Variants in ZCCHC14 observed in about 807,000 individuals in gnomAD.
The protein encoded by ZCCHC14 is zinc finger CCHC-type containing 14, also known as zinc finger CCHC domain-containing protein 14.
A neutral mutation model predicts 85.0 loss-of-function variants in ZCCHC14; 16 were observed. That is an observed-to-expected ratio of 0.19 (90% confidence interval 0.13 to 0.29). The LOEUF (loss-of-function observed/expected upper bound fraction) is 0.29, where lower values mean the gene tolerates loss of function less well. Among genes scored for constraint, ZCCHC14 ranks in the 10% least tolerant of loss-of-function variants. The pLI is 1.00. For synonymous variants in ZCCHC14, 775 were observed against 630.7 expected (o/e 1.23, Z -3.43); for missense variants, 1,303 against 1,443.5 (o/e 0.90, Z 1.58).
intron 3 of ZCCHC14, among the ~76,000 whole-genome samples, chr16:87,424,729 T>C (rs887690870): frequency 2.6e-5 from 4 of 152,052 alleles, no homozygotes; most frequent in Non-Finnish European, 2.9e-5. Context: ...AGTTTCTGCA[T>C]GGAGAAGAGC....
At chr16:87,455,010 C>T (rs959044024) in intron 2 of ZCCHC14, among the ~76,000 whole-genome samples, 4 of 152,218 alleles carry the variant, frequency 2.6e-5, no homozygotes, top group African/African-American at 4.8e-5. Context: ...TCCTGGAGGC[C>T]GAGCGCCGTG....
At chr16:87,419,736 G>GTTT (rs372390408) in intron 6 of ZCCHC14, 47 bp downstream of exon 6, 80 of 1,118,832 alleles carry the variant, frequency 7.2e-5, no homozygotes, top group Middle Eastern at 2.7e-4. Flanking sequence ...GCGCCCAGCT[G>GTTT]TTTTTTTTTT....
chr16:87,451,000 G>A lies in ZCCHC14; in HGVS notation c.694+9008C>T, dbSNP rs529181843. On this transcript the variant is annotated intron_variant, in intron 2 of 12. Transcript: ENST00000671377. ...AACAACCTCTGCCTCCTGGGTTCAA[G>A]CGATTCTCCTGCCTTAGCCTCCCGA... Among the ~76,000 whole-genome samples, 13 of 152,222 alleles carry A rather than the reference G, an allele frequency of 8.5e-5. No homozygotes were observed. In the East Asian group the frequency reaches 2.1e-3, roughly 25 times the overall value.
At chr16:87,468,954 G>C (rs924156110) in intron 1 of ZCCHC14, among the ~76,000 whole-genome samples, 1 of 152,232 alleles carries the variant, frequency 6.6e-6, no homozygotes, top group African/African-American at 2.4e-5. Context: ...CGCAGGCTGA[G>C]AAAGCCAGGT....
In ZCCHC14 at chr16:87,430,233, C is replaced by G. The variant is rs1844423723; in HGVS notation, c.768+2895G>C. Reference sequence around the variant, plus strand: ...AGTTAATTTGGTGTAAGGGCAGCGGCGGGAGTCAAGGCTTGCTTCTCCTGC... The same window carrying G: ...AGTTAATTTGGTGTAAGGGCAGCGGGGGGAGTCAAGGCTTGCTTCTCCTGC... On this transcript the variant is annotated intron_variant, in intron 3 of 12. Transcript: ENST00000671377. 2.0e-5 allele frequency among the ~76,000 whole-genome samples: 3 copies of G among 152,092 alleles called. No homozygotes were observed. In the South Asian group the frequency reaches 6.2e-4, roughly 32 times the overall value.
Position 87,417,481 on chromosome 16 carries a change from A to T in ZCCHC14, c.1362T>A (p.Phe454Leu). 6.2e-7 allele frequency: 1 copy of T among 1,614,164 alleles called. No homozygotes were observed. The highest frequency in any genetic ancestry group is 8.5e-7 in the Non-Finnish European group (1 of 1,179,980). ...ATACCTTCTCCATGGAGAGCTGCTT[A>T]AAGACGGGGTAATACTTGTGCAAAC... ...KLRLHKYYPV[F>L]KQLSMEKFLS... The change falls in exon 8 of 13, where the codon TTT (phenylalanine) becomes TTA (leucine). Residue 454 changes from phenylalanine to leucine, a missense_variant. Phe to Leu is a conservative substitution (Grantham distance 22). Around this residue, in one of 7 missense-constraint regions of ZCCHC14, gnomAD observed 10 missense variants for 54.4 expected, o/e 0.18. Coordinates refer to ENST00000671377, the MANE Select transcript of ZCCHC14 (RefSeq NM_015144.3).
At position 87,420,781 on chromosome 16, in the gene ZCCHC14, A is replaced by G; in HGVS notation, c.841-65T>C. 1 of 1,392,136 alleles carries G rather than the reference A, an allele frequency of 7.2e-7. No homozygotes were observed. The highest frequency in any genetic ancestry group is 1.3e-5 in the South Asian group (1 of 75,488). The allele number at this position is 1,392,136 out of a possible 1,614,324, so 86.2% of individuals were successfully genotyped here. ...CATCCAACACCAGCAGAATTCTGCT[A>G]CTGCAGGAAAACCTGGGGCAGGTGC... On this transcript the variant is annotated intron_variant, in intron 4 of 12. Transcript: ENST00000671377. The surrounding 1 kb of genome is among the most constrained non-coding windows in gnomAD (Gnocchi z 5.0).
chr16:87,490,018 T>A (rs1912680933), intron 1 of ZCCHC14, among the ~76,000 whole-genome samples: 1 of 152,148 alleles, frequency 6.6e-6, no homozygotes, highest in African/African-American at 2.4e-5. Context: ...TGTCAAGGCT[T>A]ACATGGATTA....
chr16:87,431,793 G>C (rs1336735531), intron 3 of ZCCHC14, among the ~76,000 whole-genome samples: 1 of 152,168 alleles, frequency 6.6e-6, no homozygotes, highest in Non-Finnish European at 1.5e-5. Flanking sequence ...AAATACCTAG[G>C]ATCACTGGGA....
chr16:87,425,013 A>AC (rs1310725123), intron 3 of ZCCHC14, among the ~76,000 whole-genome samples: 1 of 151,798 alleles, frequency 6.6e-6, no homozygotes, highest in Non-Finnish European at 1.5e-5. Context: ...CCACACCCAC[A>AC]CCCACATCCA....
At chr16:87,437,391 C>T (rs1018162873) in intron 2 of ZCCHC14, among the ~76,000 whole-genome samples, 2 of 150,794 alleles carry the variant, frequency 1.3e-5, no homozygotes, top group East Asian at 3.9e-4. Context: ...CACCCCATCA[C>T]CTGAGAGAGC....
At chr16:87,485,485 G>A (rs918919601) in intron 1 of ZCCHC14, among the ~76,000 whole-genome samples, 5 of 150,224 alleles carry the variant, frequency 3.3e-5, no homozygotes, top group Admixed American at 1.3e-4. Context: ...TAAGACTAAA[G>A]TCCAAAACCA....
chr16:87,476,602 T>C (rs1597450763), intron 1 of ZCCHC14, among the ~76,000 whole-genome samples: 1 of 151,820 alleles, frequency 6.6e-6, no homozygotes, highest in South Asian at 2.1e-4. Flanking sequence ...GCCACTAAAA[T>C]CATGCAACAA....
At chr16:87,467,605 G>A in intron 1 of ZCCHC14, 3 of 1,283,266 alleles carry the variant, frequency 2.3e-6, no homozygotes, top group Non-Finnish European at 3.4e-6. Context: ...CAAGGATCTG[G>A]AGATGACAAC....
chr16:87,486,729 T>TAAC (rs1457632625), intron 1 of ZCCHC14, among the ~76,000 whole-genome samples: 1 of 152,198 alleles, frequency 6.6e-6, no homozygotes, highest in South Asian at 2.1e-4. Context: ...TCCTGTAATG[T>TAAC]AACAACAACA....
chr16:87,430,335 C>T (rs964869615), intron 3 of ZCCHC14, among the ~76,000 whole-genome samples: 1 of 152,106 alleles, frequency 6.6e-6, no homozygotes, highest in African/African-American at 2.4e-5. Context: ...CCGGCCTGTG[C>T]GTGTGAGTCT....
At chr16:87,432,089 T>A (rs1567519023) in intron 3 of ZCCHC14, among the ~76,000 whole-genome samples, 1 of 152,204 alleles carries the variant, frequency 6.6e-6, no homozygotes. Context: ...GTAGCTACAC[T>A]CTTCAAAAAA....
In ZCCHC14 at chr16:87,411,703, C is replaced by T. The variant is rs780330811; in HGVS notation, c.3018G>A (p.Thr1006=). ...AGTTCTGCATGGGTGGCACGGCAAA[C>T]GTGGACTGCCCACTCAGGACAGGGT... ...TPDPVLSGQS[T]FAVPPMQNFM... is the part of the protein sequence containing the mutation. The change falls in exon 12 of 13, where the codon ACG becomes ACA. Residue 1006 remains threonine (T), a synonymous_variant. Coordinates refer to ENST00000671377, the MANE Select transcript of ZCCHC14 (RefSeq NM_015144.3). 3.2e-5 allele frequency: 52 copies of T among 1,613,968 alleles called. No individual in the cohort carries two copies. The highest frequency in any genetic ancestry group is 1.6e-4 in the Middle Eastern group (1 of 6,084).
rs1327167150 is a variant in ZCCHC14 at position 87,492,316 on chromosome 16, G to A, written c.-78C>T. On this transcript the variant is annotated 5_prime_UTR_variant, in exon 1 of 13. Transcript: ENST00000671377. This position sits in a 1 kb window ranked among gnomAD's most constrained non-coding sequence, Gnocchi z 6.7. ...CCGGGGGGCGCCGGGGGCCGCGGCC[G>A]GGGCGCGCCGGGACCGGGGACGCGC... 4 of 685,842 alleles carry A rather than the reference G, an allele frequency of 5.8e-6. No homozygotes were observed. The highest frequency in any genetic ancestry group is 7.1e-6 in the Non-Finnish European group (4 of 560,638). 42.5% of individuals were successfully genotyped at this position (685,842 alleles called of 1,614,324 possible). A position where few individuals can be genotyped will look rare whatever the true frequency, so the allele number is the denominator to read the frequency against.
Sources: allele counts gnomAD v4.1 joint callset (sites outside exome capture counted in the v4.1 genomes callset), GRCh38; gene constraint gnomAD v4.1.1; regional missense constraint gnomAD v4.1.1; non-coding constraint Gnocchi (gnomAD v3.1); transcripts MANE v1.5; gene names NCBI Gene and HGNC (gene_info 2026-07-23, HGNC 2026-07-21).